Variants in FAM98B observed in about 807,000 individuals in gnomAD.
FAM98B encodes the protein tRNA-splicing ligase complex subunit FAM98B.
In FAM98B, 32 loss-of-function variants were observed where a neutral mutation model predicts 43.9. The ratio of observed to expected loss-of-function variants is 0.73; its 90% CI spans 0.55 to 0.98. The LOEUF is 0.98. FAM98B is among the 50% of genes least tolerant of loss of function. FAM98B has a pLI of 0.00. For synonymous variants in FAM98B, 190 were observed against 174.0 expected (o/e 1.09, Z -0.72); for missense variants, 514 against 522.9 (o/e 0.98, Z 0.17).
chr15:38,464,249 A>C, intron 2 of FAM98B, 72 bp downstream of exon 2: 1 of 1,416,956 alleles, frequency 7.1e-7, no homozygotes, highest in African/African-American at 1.4e-5. Context: ...TAGTTTTATC[A>C]ATAATGTGCC....
intron 1 of FAM98B, among the ~76,000 whole-genome samples, chr15:38,457,675 A>G (rs1432724484): frequency 6.6e-6 from 1 of 152,170 alleles, no homozygotes; most frequent in East Asian, 1.9e-4. Flanking sequence ...GACATTAAAG[A>G]AACTCAGTGT....
chr15:38,486,367 T>G lies in FAM98B; in HGVS notation c.*1708T>G, dbSNP rs1158993151. 1 of 152,166 alleles carries G rather than the reference T, an allele frequency of 6.6e-6. No individual in the cohort carries two copies. Among genetic ancestry groups the G allele is most frequent in the Non-Finnish European group, 1.5e-5 (1 of 67,986 alleles). The allele number at this position is 152,166 out of a possible 1,614,324, so 9.4% of individuals were successfully genotyped here. A position where few individuals can be genotyped will look rare whatever the true frequency, so the allele number is the denominator to read the frequency against. Reference sequence around the variant, plus strand: ...AAAAACTTTTAAGAAAAAAACTACTTGAGTAAAATATTTCAAGAGTTGTTT... The same window carrying G: ...AAAAACTTTTAAGAAAAAAACTACTGGAGTAAAATATTTCAAGAGTTGTTT... On this transcript the variant is annotated 3_prime_UTR_variant, in exon 8 of 8. Transcript: ENST00000397609.
intron 1 of FAM98B, chr15:38,459,585 C>A (rs959533418): frequency 5.0e-5 from 12 of 241,542 alleles, no homozygotes; most frequent in Non-Finnish European, 9.9e-5. Flanking sequence ...AACCAGTGAG[C>A]CCATGGTCTG....
intron 3 of FAM98B, among the ~76,000 whole-genome samples, chr15:38,469,923 G>A (rs981851345): frequency 3.9e-5 from 6 of 152,068 alleles, no homozygotes; most frequent in Non-Finnish European, 8.8e-5. Context: ...CTCCTCCGGT[G>A]TGAAAAGAAT....
chr15:38,481,479 C>G lies in FAM98B; in HGVS notation c.897+20C>G, dbSNP rs146604215. On this transcript the variant is annotated intron_variant, in intron 7 of 7. Transcript: ENST00000397609. ...AATAAGGTTGGTGTTTCTTTCAGTA[C>G]AGTGGAAAATGAATTGATGATATCT... 26 of 1,613,996 alleles carry G rather than the reference C, an allele frequency of 1.6e-5. No individual in the cohort carries two copies. The highest frequency in any genetic ancestry group is 2.0e-5 in the Non-Finnish European group (24 of 1,180,022).
At chr15:38,459,783 G>A (rs1889917891) in intron 1 of FAM98B, among the ~76,000 whole-genome samples, 1 of 152,246 alleles carries the variant, frequency 6.6e-6, no homozygotes, top group Non-Finnish European at 1.5e-5. Flanking sequence ...GCAGCTCTGG[G>A]CTTCTCAGTT....
In FAM98B at chr15:38,470,219, T is replaced by C. The variant is rs1052450062; in HGVS notation, c.353-8T>C. On this transcript the variant is annotated splice_region_variant and splice_polypyrimidine_tract_variant and intron_variant, in intron 3 of 7. Coordinates refer to ENST00000397609, the MANE Select transcript of FAM98B (RefSeq NM_173611.4). Reference sequence around the variant, plus strand: ...GTATTAACATTATTTATTTTCTCTTTATTGTAGTATTTTTAAGTACAGAAC... The same window carrying C: ...GTATTAACATTATTTATTTTCTCTTCATTGTAGTATTTTTAAGTACAGAAC... The C allele has an allele frequency of 3.6e-6, 5 of 1,405,056 alleles. No homozygotes were observed. In the African/African-American group the frequency reaches 5.9e-5, roughly 16 times the overall value. 87.0% of individuals were successfully genotyped at this position (1,405,056 alleles called of 1,614,324 possible).
chr15:38,463,284 C>T lies in FAM98B; in HGVS notation c.72-748C>T, dbSNP rs560743621. On this transcript the variant is annotated intron_variant, in intron 1 of 7. Transcript: ENST00000397609. ...GGCCGAGGTGGGTGGATTGCTTGAGCTCAGGAGACCAGCCTGGCCAACATG... is the reference window on the plus strand; with the variant it reads ...GGCCGAGGTGGGTGGATTGCTTGAGTTCAGGAGACCAGCCTGGCCAACATG... 2.0e-5 allele frequency among the ~76,000 whole-genome samples: 3 copies of T among 152,090 alleles called. No individual in the cohort carries two copies. In the South Asian group the frequency reaches 6.2e-4, roughly 32 times the overall value.
chr15:38,479,403 T>C (rs11073329), intron 6 of FAM98B, among the ~76,000 whole-genome samples: 95,637 of 152,046 alleles, frequency 0.63, 30,235 homozygotes, highest in South Asian at 0.77. Flanking sequence ...ATTCCCAATA[T>C]TCCCTACCTC....
chr15:38,456,480 T>G (rs1403338584), intron 1 of FAM98B, among the ~76,000 whole-genome samples: 1 of 152,232 alleles, frequency 6.6e-6, no homozygotes, highest in African/African-American at 2.4e-5. Flanking sequence ...GAACACACTG[T>G]ATATTGGACC....
rs892699970 is a variant in FAM98B at position 38,470,346 on chromosome 15, G to A, written c.472G>A (p.Gly158Ser). The change falls in exon 4 of 8, where the codon GGT becomes AGT. Residue 158 changes from glycine to serine, a missense_variant. Physicochemically the swap from Gly to Ser is moderately conservative, Grantham distance 56. Transcript: ENST00000397609. ...AGTTCAAGCTATGTTTGATACACTT[G>A]GTATACCCAAGTCAACAACTTCTGA... ...QEVQAMFDTL[G>S]IPKSTTSDIP... 1 of 1,604,546 alleles carries A rather than the reference G, an allele frequency of 6.2e-7. No homozygotes were observed.
intron 1 of FAM98B, 33 bp from the exon 2 acceptor site, chr15:38,463,995 CTTAT>C: frequency 6.4e-7 from 1 of 1,555,946 alleles, no homozygotes; most frequent in Non-Finnish European, 8.7e-7. Flanking sequence ...GTTTGATTGG[CTTAT>C]TTAGTTTTTA....
intron 6 of FAM98B, among the ~76,000 whole-genome samples, chr15:38,481,087 G>A (rs2141062250): frequency 6.6e-6 from 1 of 152,040 alleles, no homozygotes; most frequent in Non-Finnish European, 1.5e-5. Context: ...GTTGTTGCTG[G>A]TAGTTACATA....
chr15:38,465,332 C>T lies in FAM98B; in HGVS notation c.281C>T (p.Pro94Leu). The T allele has an allele frequency of 6.2e-7, 1 of 1,611,606 alleles. No individual in the cohort carries two copies. The highest frequency in any genetic ancestry group is 8.5e-7 in the Non-Finnish European group (1 of 1,179,024). ...GGCTTTTTAAAAGAAATGGCATGTCCATATTCTGTACTCATATCAGGAGAT... is the reference window on the plus strand; with the variant it reads ...GGCTTTTTAAAAGAAATGGCATGTCTATATTCTGTACTCATATCAGGAGAT... Reference protein sequence around the residue: ...ISGFLKEMACPYSVLISGDIK... With the variant: ...ISGFLKEMACLYSVLISGDIK... The change falls in exon 3 of 8, where the codon CCA (proline) becomes CTA (leucine). Residue 94 changes from proline to leucine, a missense_variant. Transcript: ENST00000397609.
chr15:38,468,286 A>C (rs778441348), intron 3 of FAM98B, among the ~76,000 whole-genome samples: 20 of 152,100 alleles, frequency 1.3e-4, no homozygotes, highest in Non-Finnish European at 2.2e-4. Flanking sequence ...CCCAGGCTGG[A>C]GTGTGATGGT....
chr15:38,464,169 C>T lies in FAM98B; in HGVS notation c.209C>T (p.Thr70Met), dbSNP rs374667977. 5.3e-5 allele frequency: 86 copies of T among 1,611,926 alleles called. No individual in the cohort carries two copies. The highest frequency in any genetic ancestry group is 1.7e-4 in the African/African-American group (13 of 74,832). The change falls in exon 2 of 8, where the codon ACG becomes ATG. Residue 70 changes from threonine (T) to methionine (M), a missense_variant. Coordinates refer to ENST00000397609, the MANE Select transcript of FAM98B (RefSeq NM_173611.4). ...TTATGCAACTTGGAAGAAAGTATCA[C>T]GTCTGCTGGTATTGCCATTATGTTG... ...KSLCNLEESI[T>M]SAGRDDLESF... is the part of the protein sequence containing the mutation.
chr15:38,475,216 C>T (rs991686848), intron 6 of FAM98B, among the ~76,000 whole-genome samples: 1 of 151,916 alleles, frequency 6.6e-6, no homozygotes, highest in Non-Finnish European at 1.5e-5. Flanking sequence ...GGGGGCAGGG[C>T]GATGGTTTTG....
chr15:38,457,917 A>G (rs1889875204), intron 1 of FAM98B, among the ~76,000 whole-genome samples: 1 of 152,172 alleles, frequency 6.6e-6, no homozygotes, highest in African/African-American at 2.4e-5. Context: ...TGTGAAAATA[A>G]AAATAATTAA....
intron 7 of FAM98B, 144 bp downstream of exon 7, chr15:38,481,603 T>C (rs374143929): frequency 1.3e-5 from 21 of 1,596,548 alleles, no homozygotes; most frequent in Non-Finnish European, 1.7e-5. Flanking sequence ...GGCTTAGTTA[T>C]GTTATTTTTG....
Sources: allele counts gnomAD v4.1 joint callset (sites outside exome capture counted in the v4.1 genomes callset), GRCh38; gene constraint gnomAD v4.1.1; transcripts MANE v1.5; gene names NCBI Gene and HGNC (gene_info 2026-07-23, HGNC 2026-07-21).